PTPRD: variants seen among roughly 807,000 people sequenced by gnomAD.
PTPRD encodes the protein protein tyrosine phosphatase receptor type D, also known as receptor-type tyrosine-protein phosphatase delta.
PTPRD carries 34 observed loss-of-function variants against 214.5 expected under a neutral mutation model. The observed-to-expected ratio is 0.16, with a 90% confidence interval of 0.12 to 0.21. The LOEUF (loss-of-function observed/expected upper bound fraction) is 0.21, where lower values mean the gene tolerates loss of function less well. PTPRD is among the 10% of genes least tolerant of loss of function. PTPRD has a pLI of 1.00. For synonymous variants in PTPRD, 1,128 were observed against 845.7 expected (o/e 1.33, Z -5.79); for missense variants, 2,545 against 2,398.7 (o/e 1.06, Z -1.27).
intron 10 of PTPRD, among the ~76,000 whole-genome samples, chr9:9,074,628 C>T (rs979753745): frequency 2.0e-5 from 3 of 151,852 alleles, no homozygotes; most frequent in African/African-American, 4.8e-5. Context: ...TGTTAAGCAC[C>T]TTTCATGTGC....
In PTPRD at chr9:8,618,619, A is replaced by G. The variant is rs191676441; in HGVS notation, c.352+14698T>C. Among the ~76,000 whole-genome samples the G allele has an allele frequency of 4.6e-5, 7 of 152,220 alleles. No individual in the cohort carries two copies. The East Asian group carries it at 1.2e-3, about 25-fold the overall frequency. ...AACACCAAGACAACTCAGTTCCAACATATCTGAAATGACTTGCCCTCACCT... is the reference window on the plus strand; with the variant it reads ...AACACCAAGACAACTCAGTTCCAACGTATCTGAAATGACTTGCCCTCACCT... On this transcript the variant is annotated intron_variant, in intron 14 of 45. Transcript: ENST00000381196.
intron 10 of PTPRD, among the ~76,000 whole-genome samples, chr9:9,078,543 G>A (rs1472858892): frequency 6.6e-6 from 1 of 152,002 alleles, no homozygotes; most frequent in African/African-American, 2.4e-5. Context: ...AGAAATACTT[G>A]GCTCATGTTC....
intron 14 of PTPRD, among the ~76,000 whole-genome samples, chr9:8,576,036 T>G (rs1012702910): frequency 6.6e-6 from 1 of 152,210 alleles, no homozygotes; most frequent in East Asian, 1.9e-4. Flanking sequence ...CATGTTGTAA[T>G]GGATGATACT....
intron 2 of PTPRD, among the ~76,000 whole-genome samples, chr9:10,578,374 T>G (rs1031383281): frequency 2.0e-5 from 3 of 152,142 alleles, no homozygotes; most frequent in Non-Finnish European, 2.9e-5. Context: ...TTATATATAT[T>G]ATCTGAATAG....
intron 19 of PTPRD, among the ~76,000 whole-genome samples, chr9:8,522,208 G>C (rs2097905042): frequency 6.6e-6 from 1 of 152,164 alleles, no homozygotes; most frequent in African/African-American, 2.4e-5. Flanking sequence ...ACTGGATTGG[G>C]TCATGCAAGG....
At chr9:9,145,017 G>A (rs1338942181) in intron 10 of PTPRD, among the ~76,000 whole-genome samples, 2 of 152,106 alleles carry the variant, frequency 1.3e-5, no homozygotes, top group Non-Finnish European at 2.9e-5. Flanking sequence ...AAAGTAAAGG[G>A]GATAGTTGTG....
At chr9:9,034,600 T>G (rs1014334524) in intron 10 of PTPRD, among the ~76,000 whole-genome samples, 4 of 152,148 alleles carry the variant, frequency 2.6e-5, no homozygotes, top group African/African-American at 9.7e-5. Flanking sequence ...GCTCAGCCAG[T>G]GGTGACGGCC....
In PTPRD at chr9:9,909,317, G is replaced by T. The variant is rs1007519337; in HGVS notation, c.-368+29190C>A. 3.6e-5 allele frequency among the ~76,000 whole-genome samples: 5 copies of T among 138,346 alleles called. No homozygotes were observed. The East Asian group carries it at 6.4e-4, about 18-fold the overall frequency. 90.8% of individuals were successfully genotyped at this position (138,346 alleles called of 152,430 possible). Reference sequence around the variant, plus strand: ...TTTAGGTTGAGTTTTTAATCTGAAAGTTTTTTTTTTTTTTTTACGGCTTTT... The same window carrying T: ...TTTAGGTTGAGTTTTTAATCTGAAATTTTTTTTTTTTTTTTTACGGCTTTT... On this transcript the variant is annotated intron_variant, in intron 5 of 45. Coordinates refer to ENST00000381196, the MANE Select transcript of PTPRD (RefSeq NM_002839.4).
At chr9:9,193,950 C>G (rs1040621472) in intron 9 of PTPRD, among the ~76,000 whole-genome samples, 3 of 152,090 alleles carry the variant, frequency 2.0e-5, no homozygotes, top group Non-Finnish European at 4.4e-5. Flanking sequence ...TTTGGCTCTT[C>G]TGTAATAACA....
chr9:9,786,804 C>G (rs2098927887), intron 5 of PTPRD, among the ~76,000 whole-genome samples: 1 of 152,126 alleles, frequency 6.6e-6, no homozygotes, highest in South Asian at 2.1e-4. Context: ...AAGTTGCACT[C>G]TAGAGATTCC....
chr9:8,625,197 C>CTA (rs199616358), intron 14 of PTPRD, among the ~76,000 whole-genome samples: 23 of 150,982 alleles, frequency 1.5e-4, no homozygotes, highest in East Asian at 5.9e-4. Flanking sequence ...TACAAACACA[C>CTA]TATATATATA....
intron 2 of PTPRD, among the ~76,000 whole-genome samples, chr9:10,437,607 G>T (rs1477242189): frequency 6.6e-6 from 1 of 151,604 alleles, no homozygotes. Context: ...ACTGAATATT[G>T]TCAATATTTC....
intron 30 of PTPRD, among the ~76,000 whole-genome samples, chr9:8,483,125 T>C (rs2096922171): frequency 6.6e-6 from 1 of 152,234 alleles, no homozygotes; most frequent in African/African-American, 2.4e-5. Flanking sequence ...CTATTAGTTA[T>C]TCAACCAACT....
chr9:9,548,410 T>C lies in PTPRD; in HGVS notation c.-237+26322A>G, dbSNP rs530227058. The stretch of plus-strand genomic sequence containing the variant: ...ACGTATATGTGACTTTTTTTCTTTT[T>C]TTTTTTTTTTTTTTTAAGACGGAGT... On this transcript the variant is annotated intron_variant, in intron 8 of 45. Transcript: ENST00000381196. Among the ~76,000 whole-genome samples, 245 of 148,474 alleles carry C rather than the reference T, an allele frequency of 1.7e-3. 1 individual carries two copies. The highest frequency in any genetic ancestry group is 0.016 in the East Asian group (84 of 5,108).
At chr9:9,715,669 A>G (rs955887109) in intron 7 of PTPRD, among the ~76,000 whole-genome samples, 3 of 152,162 alleles carry the variant, frequency 2.0e-5, no homozygotes, top group Admixed American at 2.0e-4. Context: ...AAAATAATAC[A>G]TCGCAGTATT....
intron 9 of PTPRD, among the ~76,000 whole-genome samples, chr9:9,358,036 T>C (rs2054525326): frequency 6.6e-6 from 1 of 151,210 alleles, no homozygotes; most frequent in African/African-American, 2.4e-5. Flanking sequence ...AAATATGAGA[T>C]TTTTCTATAA....
intron 2 of PTPRD, among the ~76,000 whole-genome samples, chr9:10,349,309 C>T (rs2097143262): frequency 6.6e-6 from 1 of 151,856 alleles, no homozygotes; most frequent in Non-Finnish European, 1.5e-5. Flanking sequence ...AAAATGAGAC[C>T]TGCCTGGATC....
intron 2 of PTPRD, among the ~76,000 whole-genome samples, chr9:10,349,801 C>T (rs961838457): frequency 6.6e-6 from 1 of 152,134 alleles, no homozygotes; most frequent in African/African-American, 2.4e-5. Context: ...GAATATCTTA[C>T]AGGTGCATGC....
At chr9:8,427,275 C>A (rs186554372) in intron 35 of PTPRD, among the ~76,000 whole-genome samples, 1 of 152,238 alleles carries the variant, frequency 6.6e-6, no homozygotes, top group Non-Finnish European at 1.5e-5. Context: ...GAGAAAAGAG[C>A]CTGAAAATAA....
Sources: allele counts gnomAD v4.1 joint callset (sites outside exome capture counted in the v4.1 genomes callset), GRCh38; gene constraint gnomAD v4.1.1; transcripts MANE v1.5; gene names NCBI Gene and HGNC (gene_info 2026-07-23, HGNC 2026-07-21).